Variants in SKAP2 observed in about 807,000 individuals in gnomAD.
SKAP2 encodes src kinase-associated phosphoprotein 2.
A neutral mutation model predicts 54.9 loss-of-function variants in SKAP2; 28 were observed. That is an observed-to-expected ratio of 0.51 (90% CI 0.38 to 0.70). The LOEUF (loss-of-function observed/expected upper bound fraction) is 0.70, where lower values mean the gene tolerates loss of function less well. Among genes scored for constraint, SKAP2 ranks in the 30% least tolerant of loss-of-function variants. The pLI, the probability that SKAP2 is intolerant of heterozygous loss-of-function variation, is 0.00. For synonymous variants in SKAP2, 137 were observed against 134.3 expected (o/e 1.02, Z -0.14); for missense variants, 356 against 424.1 (o/e 0.84, Z 1.41).
intron 4 of SKAP2, among the ~76,000 whole-genome samples, chr7:26,805,597 T>C (rs1277658103): frequency 6.6e-6 from 1 of 152,204 alleles, no homozygotes; most frequent in Admixed American, 6.5e-5. Context: ...AAAACTCATG[T>C]GAAAAGGGAC....
the SKAP2 span, among the ~76,000 whole-genome samples, chr7:26,660,963 A>C: frequency 6.6e-6 from 1 of 152,096 alleles, no homozygotes; most frequent in East Asian, 1.9e-4. Flanking sequence ...CTAGACTAGA[A>C]AATGGAATCT....
intron 4 of SKAP2, among the ~76,000 whole-genome samples, chr7:26,769,594 T>C (rs1163863555): frequency 2.5e-5 from 3 of 118,300 alleles, no homozygotes; most frequent in African/African-American, 4.0e-5. Context: ...TTCATGGATT[T>C]ATCTACCTTT....
At chr7:26,667,027 T>C, downstream of SKAP2, 1 of 152,190 alleles carries the variant, frequency 6.6e-6, no homozygotes, top group Non-Finnish European at 1.5e-5. Context: ...GTAATTTCAT[T>C]AGTAACACAG....
intron 4 of SKAP2, among the ~76,000 whole-genome samples, chr7:26,808,693 C>T (rs916314172): frequency 6.6e-6 from 1 of 152,072 alleles, no homozygotes; most frequent in African/African-American, 2.4e-5. Flanking sequence ...GCTTGGGTCT[C>T]AACCTTGGTT....
At chr7:26,849,048 A>C (rs1009933834) in intron 3 of SKAP2, among the ~76,000 whole-genome samples, 17 of 152,362 alleles carry the variant, frequency 1.1e-4, no homozygotes, top group African/African-American at 4.1e-4. Flanking sequence ...CGAAGGAAAA[A>C]GCTGTGAATT....
At chr7:26,774,888 C>G (rs1202647528) in intron 4 of SKAP2, among the ~76,000 whole-genome samples, 2 of 152,084 alleles carry the variant, frequency 1.3e-5, no homozygotes, top group Admixed American at 1.3e-4. Context: ...TGTAAGTTAA[C>G]AAGCACCTGA....
intron 4 of SKAP2, among the ~76,000 whole-genome samples, chr7:26,748,185 A>T (rs1782599770): frequency 6.6e-6 from 1 of 152,132 alleles, no homozygotes; most frequent in Non-Finnish European, 1.5e-5. Context: ...ATAAAAGTAG[A>T]TGTGAAAAAA....
At chr7:26,675,680 T>A (rs1166866354) in intron 11 of SKAP2, among the ~76,000 whole-genome samples, 3 of 152,198 alleles carry the variant, frequency 2.0e-5, no homozygotes, top group Non-Finnish European at 4.4e-5. Context: ...CCAATAGTAA[T>A]GTATTTTCTT....
intron 4 of SKAP2, among the ~76,000 whole-genome samples, chr7:26,773,686 T>A (rs1783237958): frequency 6.6e-6 from 1 of 152,220 alleles, no homozygotes; most frequent in African/African-American, 2.4e-5. Context: ...TAAACATTTA[T>A]AATGAACCAC....
intron 4 of SKAP2, among the ~76,000 whole-genome samples, chr7:26,780,180 G>A (rs1171858048): frequency 6.6e-6 from 1 of 152,088 alleles, no homozygotes; most frequent in African/African-American, 2.4e-5. Flanking sequence ...ATATGTTAGT[G>A]GCTCATAGAG....
intron 3 of SKAP2, among the ~76,000 whole-genome samples, chr7:26,845,456 T>C (rs989764840): frequency 3.9e-5 from 6 of 152,242 alleles, no homozygotes; most frequent in Admixed American, 2.6e-4. Context: ...ATGGCTATAT[T>C]GTCATCCTTA....
chr7:26,851,133 T>C (rs576465046), intron 3 of SKAP2, among the ~76,000 whole-genome samples: 37 of 151,806 alleles, frequency 2.4e-4, no homozygotes, highest in African/African-American at 8.7e-4. Context: ...ATTTTAGGAA[T>C]TGACAGCCAG....
chr7:26,843,252 T>C (rs1784855520), intron 4 of SKAP2, among the ~76,000 whole-genome samples: 1 of 152,074 alleles, frequency 6.6e-6, no homozygotes, highest in Non-Finnish European at 1.5e-5. Context: ...TTCATTTCTA[T>C]GTCTATGTGA....
chr7:26,755,111 A>G (rs1782761936), intron 4 of SKAP2, among the ~76,000 whole-genome samples: 1 of 152,176 alleles, frequency 6.6e-6, no homozygotes, highest in Admixed American at 6.5e-5. Context: ...AAAATTTACA[A>G]ATATGTTTTA....
At chr7:26,741,091 T>C (rs965058099) in intron 4 of SKAP2, among the ~76,000 whole-genome samples, 1 of 152,152 alleles carries the variant, frequency 6.6e-6, no homozygotes, top group African/African-American at 2.4e-5. Flanking sequence ...ATACATCCAG[T>C]GGAAATAGTT....
chr7:26,752,033 C>T (rs1221906619), intron 4 of SKAP2, among the ~76,000 whole-genome samples: 1 of 152,014 alleles, frequency 6.6e-6, no homozygotes, highest in Non-Finnish European at 1.5e-5. Context: ...GTGTTATTCT[C>T]GCAACTTTTC....
intron 10 of SKAP2, among the ~76,000 whole-genome samples, chr7:26,689,023 G>C (rs1393267935): frequency 7.0e-4 from 107 of 152,236 alleles, no homozygotes; most frequent in Non-Finnish European, 1.8e-4. Context: ...TAAAGATTTT[G>C]TTCTCGCTTC....
intron 11 of SKAP2, among the ~76,000 whole-genome samples, chr7:26,681,473 T>G (rs1786496612): frequency 1.3e-5 from 2 of 152,086 alleles, no homozygotes; most frequent in Admixed American, 6.6e-5. Flanking sequence ...AAAACAAAAT[T>G]AAAACACTCT....
intron 4 of SKAP2, among the ~76,000 whole-genome samples, chr7:26,815,370 T>A (rs1784244405): frequency 6.6e-6 from 1 of 152,154 alleles, no homozygotes; most frequent in Non-Finnish European, 1.5e-5. Flanking sequence ...GGTTGACACA[T>A]AATATAGGAT....
Sources: allele counts gnomAD v4.1 joint callset (sites outside exome capture counted in the v4.1 genomes callset), GRCh38; gene constraint gnomAD v4.1.1; transcripts MANE v1.5; gene names NCBI Gene and HGNC (gene_info 2026-07-23, HGNC 2026-07-21).